STYXL1: variants seen among roughly 807,000 people sequenced by gnomAD.
STYXL1 encodes serine/threonine/tyrosine-interacting-like protein 1.
In STYXL1, 32 loss-of-function variants were observed where a neutral mutation model predicts 36.4. That is an observed-to-expected ratio of 0.88 (90% confidence interval 0.66 to 1.18). STYXL1 has a LOEUF of 1.18. Among genes scored for constraint, STYXL1 ranks in the 50% most tolerant of loss-of-function variants. The pLI is 0.00. For synonymous variants in STYXL1, 133 were observed against 144.1 expected, an observed-to-expected ratio of 0.92 and a Z score of 0.55; for missense variants, 354 against 394.1, an observed-to-expected ratio of 0.90 and a Z score of 0.86.
At chr7:76,034,729 C>T (rs1257660464) in intron 1 of STYXL1, among the ~76,000 whole-genome samples, 15 of 152,126 alleles carry the variant, frequency 9.9e-5, no homozygotes, top group Non-Finnish European at 1.5e-4. Context: ...TAGTGGATGC[C>T]GGAAGCAAAC....
chr7:76,046,127 G>A (rs577856546), intron 1 of STYXL1, among the ~76,000 whole-genome samples: 2 of 151,752 alleles, frequency 1.3e-5, no homozygotes, highest in African/African-American at 4.8e-5. Context: ...CTCCTTTCCT[G>A]TCTAAACATT....
intron 1 of STYXL1, among the ~76,000 whole-genome samples, chr7:76,046,404 T>C (rs1460323415): frequency 2.6e-5 from 4 of 151,390 alleles, no homozygotes; most frequent in Non-Finnish European, 5.9e-5. Flanking sequence ...TGGAGTACAA[T>C]GGCACAATCT....
At chr7:76,029,414 T>G (rs1795081683) in intron 2 of STYXL1, among the ~76,000 whole-genome samples, 1 of 152,006 alleles carries the variant, frequency 6.6e-6, no homozygotes, top group Non-Finnish European at 1.5e-5. Context: ...CCCAAAACAC[T>G]GGGATTACAG....
At chr7:76,028,621 A>C (rs1554578380) in intron 3 of STYXL1, 21 bp downstream of exon 3, 3 of 1,613,052 alleles carry the variant, frequency 1.9e-6, no homozygotes, top group Non-Finnish European at 2.5e-6. Context: ...CCTGCCCCAG[A>C]TCCTGACGCT....
rs782168151 is a variant in STYXL1 at position 76,005,253 on chromosome 7, A to C, written c.599+6T>G. On this transcript the variant is annotated splice_donor_region_variant and intron_variant, in intron 6 of 8. Transcript: ENST00000359697. ...AAATATAAATCAGTAGTTTCTCTTT[A>C]CTTACAAGGGCCCTGTATCCATGGA... is the stretch of plus-strand genomic sequence containing the variant. 1.4e-6 allele frequency: 2 copies of C among 1,407,778 alleles called. No homozygotes were observed. The highest frequency in any genetic ancestry group is 2.9e-5 in the African/African-American group (2 of 70,160). 87.2% of individuals were successfully genotyped at this position (1,407,778 alleles called of 1,614,324 possible).
rs544849645 is a variant in STYXL1, at chr7:76,024,597, A to C, written c.166-2605T>G. Among the ~76,000 whole-genome samples the C allele has an allele frequency of 4.2e-4, 64 of 152,118 alleles. 1 individual carries two copies. The highest frequency in any genetic ancestry group is 2.7e-3 in the South Asian group (13 of 4,810). ...GTGCCATTGCACTCCAGCCTAAGCG[A>C]GAGAGTGAGACCCTGTCTCAAAACA... On this transcript the variant is annotated intron_variant, in intron 3 of 8. Transcript: ENST00000359697.
At chr7:76,041,359 G>A (rs1554582120) in intron 1 of STYXL1, among the ~76,000 whole-genome samples, 2 of 152,056 alleles carry the variant, frequency 1.3e-5, no homozygotes, top group African/African-American at 4.8e-5. Flanking sequence ...GGTGTGTAGG[G>A]GTGGGGTGAG....
chr7:76,008,196 T>A (rs1792055046), intron 5 of STYXL1, among the ~76,000 whole-genome samples: 2 of 39,966 alleles, frequency 5.0e-5, no homozygotes, highest in African/African-American at 1.0e-4. Flanking sequence ...CAAAACTCCA[T>A]CTCAAAAAAA....
intron 8 of STYXL1, chr7:75,998,897 C>G (rs1790453949): frequency 6.6e-6 from 1 of 152,208 alleles, no homozygotes; most frequent in African/African-American, 2.4e-5. Flanking sequence ...TATTCATATC[C>G]ACAAATGTGA....
intron 1 of STYXL1, among the ~76,000 whole-genome samples, chr7:76,047,451 G>A (rs1305783998): frequency 1.3e-5 from 2 of 152,166 alleles, no homozygotes; most frequent in Non-Finnish European, 2.9e-5. Context: ...TATGACCACG[G>A]AAGTTGTTGT....
intron 3 of STYXL1, among the ~76,000 whole-genome samples, chr7:76,024,426 C>G (rs1794431713): frequency 6.6e-6 from 1 of 151,930 alleles, no homozygotes; most frequent in Admixed American, 6.6e-5. Context: ...CAAGACCAGC[C>G]TGGGTAACAT....
At chr7:76,001,048 T>C (rs782398599) in intron 7 of STYXL1, 46 bp from the exon 8 acceptor site, 30 of 1,481,028 alleles carry the variant, frequency 2.0e-5, no homozygotes, top group Non-Finnish European at 2.7e-5. Flanking sequence ...CCCTCCTCCC[T>C]GTGGGCCTGG....
chr7:76,024,542 G>T (rs1794450300), intron 3 of STYXL1, among the ~76,000 whole-genome samples: 2 of 152,114 alleles, frequency 1.3e-5, no homozygotes, highest in African/African-American at 2.4e-5. Flanking sequence ...GCTTGATCCT[G>T]GGAGTTTAAG....
At chr7:76,039,836 G>A (rs1796309398) in intron 1 of STYXL1, among the ~76,000 whole-genome samples, 1 of 151,940 alleles carries the variant, frequency 6.6e-6, no homozygotes, top group Non-Finnish European at 1.5e-5. Context: ...TTATAGAGAC[G>A]GGGTTTCACC....
chr7:76,033,397 C>T (rs1351194973), intron 1 of STYXL1, among the ~76,000 whole-genome samples: 2 of 152,142 alleles, frequency 1.3e-5, no homozygotes, highest in Non-Finnish European at 2.9e-5. Flanking sequence ...CCTCCCTCCT[C>T]GGCCTCCCAA....
rs782264311 is a variant in STYXL1 at position 76,000,870 on chromosome 7, C to T, written c.810+20G>A. ...CCCAGGGGGTGGCCGTGGTGCGAGC[C>T]TGGCCCGGGGAACGCATACCTGCAA... On this transcript the variant is annotated intron_variant, in intron 8 of 8. Transcript: ENST00000359697. 1.9e-6 allele frequency: 3 copies of T among 1,609,928 alleles called. No homozygotes were observed.
chr7:76,008,650 C>T (rs1239719953), intron 5 of STYXL1, among the ~76,000 whole-genome samples: 1 of 152,174 alleles, frequency 6.6e-6, no homozygotes, highest in Non-Finnish European at 1.5e-5. Flanking sequence ...CTGCCCCTAA[C>T]CCGGATGGAC....
intron 3 of STYXL1, among the ~76,000 whole-genome samples, chr7:76,025,611 G>A (rs868970377): frequency 4.6e-5 from 7 of 152,116 alleles, no homozygotes; most frequent in South Asian, 2.1e-4. Flanking sequence ...CCAACATGGC[G>A]AAACTCCATC....
In STYXL1 at chr7:76,001,058, G is replaced by T. The variant is rs536590415; in HGVS notation, c.698-56C>A. 3.5e-6 allele frequency: 5 copies of T among 1,431,462 alleles called. No individual in the cohort carries two copies. In the South Asian group the frequency reaches 5.7e-5, roughly 16 times the overall value. The allele number at this position is 1,431,462 out of a possible 1,614,324, so 88.7% of individuals were successfully genotyped here. A position where few individuals can be genotyped will look rare whatever the true frequency, so the allele number is the denominator to read the frequency against. On this transcript the variant is annotated intron_variant, in intron 7 of 8. Transcript: ENST00000359697. ...CCTGGCCCTCCTCCCTGTGGGCCTGGGTTGCTGTCAGACACTGGCCTCCAT... is the reference window on the plus strand; with the variant it reads ...CCTGGCCCTCCTCCCTGTGGGCCTGTGTTGCTGTCAGACACTGGCCTCCAT...
Sources: allele counts gnomAD v4.1 joint callset (sites outside exome capture counted in the v4.1 genomes callset), GRCh38; gene constraint gnomAD v4.1.1; transcripts MANE v1.5; gene names NCBI Gene and HGNC (gene_info 2026-07-23, HGNC 2026-07-21).